The following TBC1D1 variants were observed in gnomAD, a reference collection of about 807,000 sequenced individuals.
The protein encoded by TBC1D1 is TBC1 domain family member 1, also known as TBC1 (tre-2/USP6, BUB2, cdc16) domain family, member 1.
TBC1D1 carries 89 observed loss-of-function variants against 125.6 expected under a neutral mutation model. The observed-to-expected ratio is 0.71, with a 90% confidence interval of 0.60 to 0.85. The LOEUF is 0.85. TBC1D1 is among the 40% of genes least tolerant of loss of function. The pLI, the probability that TBC1D1 is intolerant of heterozygous loss-of-function variation, is 0.00. For synonymous variants in TBC1D1, 565 were observed against 564.1 expected, an observed-to-expected ratio of 1.00 and a Z score of -0.02; for missense variants, 1,377 against 1,469.2, an observed-to-expected ratio of 0.94 and a Z score of 1.03.
In TBC1D1 at chr4:37,901,249, T is replaced by C. The variant is rs1457438905; in HGVS notation, c.-93-754T>C. Among the ~76,000 whole-genome samples the C allele has an allele frequency of 2.0e-5, 3 of 151,336 alleles. No individual in the cohort carries two copies. In the East Asian group the frequency reaches 6.0e-4, roughly 30 times the overall value. On this transcript the variant is annotated intron_variant, in intron 1 of 19. Transcript: ENST00000261439. ...TTGGCTTGCTGCAGCCTCTGCCTCC[T>C]GGATTCAAGCAATTCTCCTGCCTCA...
chr4:38,102,997 AG>A lies in TBC1D1; in HGVS notation c.2399del. On this transcript the variant is annotated splice_acceptor_variant, in intron 14 of 19. Transcript: ENST00000261439. LOFTEE classifies it high-confidence loss of function. Reference sequence around the variant, plus strand: ...TTTCCATGTCTTCTCTCCCTTTTAAAGGTGTGCCACGTCATCACCGAGGTGA... The same window carrying A: ...TTTCCATGTCTTCTCTCCCTTTTAAAGTGTGCCACGTCATCACCGAGGTGA... 1 of 1,612,574 alleles carries A rather than the reference AG, an allele frequency of 6.2e-7. No homozygotes were observed. The highest frequency in any genetic ancestry group is 8.5e-7 in the Non-Finnish European group (1 of 1,179,470).
chr4:37,919,740 A>C (rs1345974544), intron 2 of TBC1D1, among the ~76,000 whole-genome samples: 2 of 152,150 alleles, frequency 1.3e-5, no homozygotes, highest in Middle Eastern at 3.2e-3. Context: ...AGTTAAAAGT[A>C]AAATTATTTT....
intron 12 of TBC1D1, among the ~76,000 whole-genome samples, chr4:38,071,939 A>G (rs1339815847): frequency 2.0e-5 from 3 of 152,208 alleles, no homozygotes; most frequent in African/African-American, 7.2e-5. Context: ...AATAGTGTCT[A>G]GGGTCAGCAC....
intron 8 of TBC1D1, among the ~76,000 whole-genome samples, chr4:38,041,009 C>T (rs887211490): frequency 6.6e-6 from 1 of 152,192 alleles, no homozygotes; most frequent in Non-Finnish European, 1.5e-5. Context: ...AATGATAGTT[C>T]CCCTTCTCAA....
chr4:37,942,041 C>T (rs7685972), intron 2 of TBC1D1, among the ~76,000 whole-genome samples: 6,714 of 150,812 alleles, frequency 0.045, 514 homozygotes, highest in African/African-American at 0.16. Flanking sequence ...CTATTAGGTC[C>T]GCTTGGTGCA....
At chr4:37,982,126 A>G (rs1263583576) in intron 2 of TBC1D1, among the ~76,000 whole-genome samples, 2 of 152,082 alleles carry the variant, frequency 1.3e-5, no homozygotes, top group African/African-American at 4.8e-5. Context: ...CTCTGGGCTT[A>G]TTTATTTACC....
At chr4:37,950,199 G>A (rs927618015) in intron 2 of TBC1D1, among the ~76,000 whole-genome samples, 5 of 152,074 alleles carry the variant, frequency 3.3e-5, no homozygotes, top group South Asian at 2.1e-4. Flanking sequence ...AGTCTGAGGC[G>A]CAGTTCTGCA....
At chr4:38,003,745 G>A (rs1739518959) in intron 2 of TBC1D1, among the ~76,000 whole-genome samples, 2 of 151,992 alleles carry the variant, frequency 1.3e-5, no homozygotes, top group Admixed American at 1.3e-4. Flanking sequence ...GCATGCACCT[G>A]CAGTTCCAGC....
intron 8 of TBC1D1, among the ~76,000 whole-genome samples, chr4:38,041,791 G>A (rs1560674993): frequency 6.6e-6 from 1 of 152,186 alleles, no homozygotes. Flanking sequence ...TGAATTGATA[G>A]GATAAACACC....
intron 1 of TBC1D1, among the ~76,000 whole-genome samples, chr4:37,900,748 G>A (rs953464842): frequency 6.6e-6 from 1 of 152,186 alleles, no homozygotes; most frequent in Non-Finnish European, 1.5e-5. Flanking sequence ...AGGACAAGAA[G>A]GCGTTAGGAT....
At chr4:38,132,978 A>G in intron 18 of TBC1D1, 106 bp from the exon 21 acceptor site, 2 of 897,568 alleles carry the variant, frequency 2.2e-6, no homozygotes, top group Non-Finnish European at 3.4e-6. Flanking sequence ...AGCTAAGCGT[A>G]GAGGAGACGC....
intron 2 of TBC1D1, among the ~76,000 whole-genome samples, chr4:37,969,191 A>G (rs1278073468): frequency 1.3e-5 from 2 of 152,170 alleles, no homozygotes; most frequent in Non-Finnish European, 2.9e-5. Flanking sequence ...CCTCCAGCCC[A>G]TCATTTGTTT....
chr4:38,025,588 G>A (rs763957666), intron 6 of TBC1D1, among the ~76,000 whole-genome samples: 1 of 152,204 alleles, frequency 6.6e-6, no homozygotes, highest in South Asian at 2.1e-4. Context: ...GCAGAGTGTC[G>A]AGTTAGTCTA....
chr4:38,027,833 C>T lies in TBC1D1; in HGVS notation c.1256C>T (p.Thr419Met), dbSNP rs143458673. Reference sequence around the variant, plus strand: ...AAACTAGAACTGCAAAAGCACCTGACGACATTAACCAATCAGGAGCAGGCG... The same window carrying T: ...AAACTAGAACTGCAAAAGCACCTGATGACATTAACCAATCAGGAGCAGGCG... The change falls in exon 7 of 20, where the codon ACG (threonine) becomes ATG (methionine). Residue 419 changes from threonine (T) to methionine (M), a missense_variant. Coordinates refer to ENST00000261439, the MANE Select transcript of TBC1D1 (RefSeq NM_015173.4). 1.5e-5 allele frequency: 24 copies of T among 1,613,378 alleles called. No individual in the cohort carries two copies. Among genetic ancestry groups the T allele is most frequent in the Middle Eastern group, 1.7e-4 (1 of 6,056 alleles).
chr4:37,901,287 G>T (rs1715943243), intron 1 of TBC1D1, among the ~76,000 whole-genome samples: 1 of 151,976 alleles, frequency 6.6e-6, no homozygotes, highest in Non-Finnish European at 1.5e-5. Flanking sequence ...CTCCTGAGTA[G>T]CTGGGATTAC....
intron 2 of TBC1D1, among the ~76,000 whole-genome samples, chr4:37,980,247 A>T (rs954883291): frequency 4.6e-5 from 7 of 152,254 alleles, no homozygotes; most frequent in Admixed American, 2.0e-4. Flanking sequence ...TTTTAAAAAA[A>T]ATTGGACATG....
intron 2 of TBC1D1, among the ~76,000 whole-genome samples, chr4:37,944,863 C>G (rs1315567792): frequency 6.6e-6 from 1 of 152,238 alleles, no homozygotes; most frequent in African/African-American, 2.4e-5. Flanking sequence ...GTCTGACATG[C>G]CCCAGTGAGA....
intron 12 of TBC1D1, among the ~76,000 whole-genome samples, chr4:38,072,946 TTC>T (rs1754952669): frequency 1.3e-5 from 2 of 152,240 alleles, no homozygotes; most frequent in African/African-American, 4.8e-5. Flanking sequence ...ATGACAGGAT[TTC>T]TCTCTTTTTT....
At position 37,995,397 on chromosome 4, in the gene TBC1D1, C is replaced by T. The variant is rs550758026; in HGVS notation, c.418-19112C>T. ...GGAAGAAAATATTTGCCACTCAGTT[C>T]TGTTTTTTAGGTATCAAATGCTAGG... On this transcript the variant is annotated intron_variant, in intron 2 of 19. Coordinates refer to ENST00000261439, the MANE Select transcript of TBC1D1 (RefSeq NM_015173.4). The surrounding 1 kb of genome is among the most constrained non-coding windows in gnomAD (Gnocchi z 4.3). The T allele has an allele frequency of 2.2e-5, 4 of 184,682 alleles. 1 individual carries two copies. In the South Asian group the frequency reaches 4.6e-4, roughly 21 times the overall value. 11.4% of individuals were successfully genotyped at this position (184,682 alleles called of 1,614,324 possible). A position where few individuals can be genotyped will look rare whatever the true frequency, so the allele number is the denominator to read the frequency against.
Sources: gnomAD v4.1 joint callset for allele counts (sites outside exome capture counted in the v4.1 genomes callset) on GRCh38, gnomAD v4.1.1 for gene constraint, Gnocchi (gnomAD v3.1) non-coding constraint, MANE v1.5 for transcripts, NCBI Gene and HGNC (gene_info 2026-07-23, HGNC 2026-07-21) for gene names.